The following TXNL4A variants were observed in gnomAD, a reference collection of about 807,000 sequenced individuals.
The protein encoded by TXNL4A is thioredoxin-like protein 4A.
In TXNL4A, 17 loss-of-function variants were observed where a neutral mutation model predicts 14.6. The ratio of observed to expected loss-of-function variants is 1.16; its 90% CI spans 0.80 to 1.74. TXNL4A has a LOEUF of 1.74. Ranked by LOEUF, TXNL4A falls within the 40% of genes most tolerant of loss-of-function variation. The pLI, the probability that TXNL4A is intolerant of heterozygous loss-of-function variation, is 0.00. For synonymous variants in TXNL4A, 83 were observed against 70.6 expected, an observed-to-expected ratio of 1.18 and a Z score of -0.88; for missense variants, 74 against 195.2, an observed-to-expected ratio of 0.38 and a Z score of 3.70.
intron 1 of TXNL4A, among the ~76,000 whole-genome samples, chr18:79,983,583 G>T (rs2051496882): frequency 6.6e-6 from 1 of 152,080 alleles, no homozygotes; most frequent in Non-Finnish European, 1.5e-5. Flanking sequence ...AAGTGTTCTG[G>T]GCAGTTGATT....
chr18:80,019,277 C>G (rs1396315100), intron 1 of TXNL4A, among the ~76,000 whole-genome samples: 1 of 152,124 alleles, frequency 6.6e-6, no homozygotes, highest in Non-Finnish European at 1.5e-5. Flanking sequence ...GGGGAGGTCT[C>G]AAAATCATGG....
At chr18:80,019,880 T>A (rs1168716436) in intron 1 of TXNL4A, among the ~76,000 whole-genome samples, 1 of 152,178 alleles carries the variant, frequency 6.6e-6, no homozygotes, top group Non-Finnish European at 1.5e-5. Context: ...AATGCTCCCA[T>A]ACCATGCTTT....
At chr18:80,006,732 G>A (rs149725000) in intron 1 of TXNL4A, among the ~76,000 whole-genome samples, 29 of 152,280 alleles carry the variant, frequency 1.9e-4, no homozygotes, top group African/African-American at 6.7e-4. Flanking sequence ...CCCTTGTGCA[G>A]AGTGAGGGGG....
chr18:80,009,675 A>G (rs2051757142), intron 1 of TXNL4A, among the ~76,000 whole-genome samples: 1 of 152,208 alleles, frequency 6.6e-6, no homozygotes, highest in Non-Finnish European at 1.5e-5. Context: ...AGTGAAGTGC[A>G]CTTGCAAGAG....
intron 1 of TXNL4A, among the ~76,000 whole-genome samples, chr18:80,009,472 C>T (rs1444880361): frequency 6.6e-6 from 1 of 152,148 alleles, no homozygotes. Context: ...TCAAGTTTGT[C>T]AGGACGGGAC....
chr18:79,996,771 C>T (rs973487383), intron 1 of TXNL4A, among the ~76,000 whole-genome samples: 10 of 152,246 alleles, frequency 6.6e-5, no homozygotes, highest in African/African-American at 1.9e-4. Context: ...GGTGAAACCT[C>T]GTCTCTAGTA....
At chr18:79,991,770 A>C (rs559267993), upstream of TXNL4A, among the ~76,000 whole-genome samples, 40 of 152,294 alleles carry the variant, frequency 2.6e-4, no homozygotes, top group Admixed American at 2.3e-3. Context: ...CTTGTTATTT[A>C]TGTACCTCGT....
chr18:79,971,231 T>C lies in TXNL4A; in HGVS notation c.*2454A>G, dbSNP rs1301985715. The C allele has an allele frequency of 6.6e-6, 1 of 152,312 alleles. No homozygotes were observed. Among genetic ancestry groups the C allele is most frequent in the Non-Finnish European group, 1.5e-5 (1 of 68,076 alleles). 9.4% of individuals were successfully genotyped at this position (152,312 alleles called of 1,614,324 possible). On this transcript the variant is annotated 3_prime_UTR_variant, in exon 3 of 3. Transcript: ENST00000269601. The stretch of plus-strand genomic sequence containing the variant: ...TCATCTGTTGATGGACACGTGGGTT[T>C]CCACATTTTGGCTTCTGTGTACGAG...
At chr18:79,983,788 G>A (rs917972814) in intron 1 of TXNL4A, among the ~76,000 whole-genome samples, 1 of 152,198 alleles carries the variant, frequency 6.6e-6, no homozygotes, top group Admixed American at 6.5e-5. Context: ...TGTGACAGGA[G>A]TGCTCTAGAA....
chr18:79,978,110 G>C (rs571629923), intron 1 of TXNL4A, among the ~76,000 whole-genome samples: 1 of 152,256 alleles, frequency 6.6e-6, no homozygotes, highest in Non-Finnish European at 1.5e-5. Context: ...TTCAGGAATT[G>C]GCCGCTGGCT....
intron 1 of TXNL4A, among the ~76,000 whole-genome samples, chr18:80,013,339 C>T (rs2051784842): frequency 6.6e-6 from 1 of 151,560 alleles, no homozygotes; most frequent in South Asian, 2.1e-4. Flanking sequence ...AACCAGGATG[C>T]TCTCGATCTC....
upstream of TXNL4A, among the ~76,000 whole-genome samples, chr18:79,992,404 A>G (rs1334635609): frequency 6.6e-6 from 1 of 152,214 alleles, no homozygotes; most frequent in East Asian, 1.9e-4. Context: ...CAGAAGCCAC[A>G]TCTGTGTCTC....
intron 1 of TXNL4A, among the ~76,000 whole-genome samples, chr18:79,998,843 C>T (rs985544000): frequency 6.6e-6 from 1 of 151,910 alleles, no homozygotes; most frequent in African/African-American, 2.4e-5. Context: ...CTTGTCAGGC[C>T]CTTCTGACAA....
intron 1 of TXNL4A, among the ~76,000 whole-genome samples, chr18:80,022,914 C>A (rs1391099910): frequency 6.6e-6 from 1 of 152,182 alleles, no homozygotes; most frequent in Non-Finnish European, 1.5e-5. Context: ...TAGCTTTCCA[C>A]CCTGTTGGAT....
intron 1 of TXNL4A, among the ~76,000 whole-genome samples, chr18:80,031,001 C>T (rs1599759998): frequency 6.6e-6 from 1 of 152,112 alleles, no homozygotes; most frequent in Non-Finnish European, 1.5e-5. Context: ...CTCTTAAGAA[C>T]AAAGGACATG....
At chr18:80,014,512 C>A (rs150312482) in intron 1 of TXNL4A, among the ~76,000 whole-genome samples, 69 of 152,318 alleles carry the variant, frequency 4.5e-4, no homozygotes, top group African/African-American at 1.6e-3. Flanking sequence ...TCGGGTCTCG[C>A]ATCCAGGTCA....
intron 1 of TXNL4A, among the ~76,000 whole-genome samples, chr18:80,005,528 C>T (rs1290139186): frequency 2.0e-5 from 3 of 152,204 alleles, no homozygotes; most frequent in Non-Finnish European, 4.4e-5. Flanking sequence ...GGCCTAGTAA[C>T]AGAGAATCCT....
At chr18:79,976,672 T>C in intron 2 of TXNL4A, 2 of 409,750 alleles carry the variant, frequency 4.9e-6, no homozygotes, top group East Asian at 7.6e-5. Flanking sequence ...TTACAAAGAA[T>C]ACAAAACTAA....
At chr18:79,974,658 T>A (rs1026230379) in intron 2 of TXNL4A, among the ~76,000 whole-genome samples, 2 of 152,066 alleles carry the variant, frequency 1.3e-5, no homozygotes, top group African/African-American at 4.8e-5. Flanking sequence ...TTCTAGTTTT[T>A]TGTAAAGATG....
Sources: gnomAD v4.1 joint callset for allele counts (sites outside exome capture counted in the v4.1 genomes callset) on GRCh38, gnomAD v4.1.1 for gene constraint, MANE v1.5 for transcripts, NCBI Gene and HGNC (gene_info 2026-07-23, HGNC 2026-07-21) for gene names.